Variants in C2CD3 observed in about 807,000 individuals in gnomAD.
C2CD3 encodes C2 domain-containing protein 3.
Under a neutral mutation model 234.0 loss-of-function variants are expected in C2CD3, and 148 were observed. The observed-to-expected ratio is 0.63, with a 90% CI of 0.55 to 0.72. C2CD3 has a LOEUF of 0.72. Among genes scored for constraint, C2CD3 ranks in the 30% least tolerant of loss-of-function variants. C2CD3 has a pLI of 0.00. For synonymous variants in C2CD3, 1,000 were observed against 1,035.4 expected, an observed-to-expected ratio of 0.97 and a Z score of 0.66; for missense variants, 2,577 against 2,811.5, an observed-to-expected ratio of 0.92 and a Z score of 1.89.
intron 5 of C2CD3, among the ~76,000 whole-genome samples, chr11:74,134,371 G>A (rs1369258933): frequency 6.6e-6 from 1 of 152,146 alleles, no homozygotes; most frequent in Non-Finnish European, 1.5e-5. Flanking sequence ...GGCAGCATGT[G>A]CCCATGGTCC....
rs145255101 is a variant in C2CD3 at position 74,069,884 on chromosome 11, T to C, written c.4951+4369A>G. ...TGACACCTCCTCTGTGTCACACCTG[T>C]ACAAGGTGAGTCAGATTTGATTCTT... is the stretch of plus-strand genomic sequence containing the variant. On this transcript the variant is annotated intron_variant, in intron 24 of 32. Transcript: ENST00000334126. 2.0e-5 allele frequency among the ~76,000 whole-genome samples: 3 copies of C among 152,232 alleles called. No homozygotes were observed. The East Asian group carries it at 5.8e-4, about 29-fold the overall frequency.
intron 32 of C2CD3, among the ~76,000 whole-genome samples, chr11:74,022,655 T>C (rs963968345): frequency 6.6e-6 from 1 of 152,198 alleles, no homozygotes; most frequent in Admixed American, 6.5e-5. Flanking sequence ...TGTATGGAAG[T>C]TGATAAAACT....
intron 17 of C2CD3, among the ~76,000 whole-genome samples, chr11:74,094,495 C>T (rs911157620): frequency 2.0e-5 from 3 of 152,062 alleles, no homozygotes; most frequent in South Asian, 2.1e-4. Context: ...GAACATACAC[C>T]GAATGGCAAA....
At chr11:74,036,486 T>C (rs1251625356) in intron 30 of C2CD3, 6 of 456,000 alleles carry the variant, frequency 1.3e-5, no homozygotes, top group Non-Finnish European at 2.6e-5. Context: ...GTTAGGTATC[T>C]GGAAGAAGAA....
At position 74,161,462 on chromosome 11, in the gene C2CD3, G is replaced by A. The variant is rs747766397; in HGVS notation, c.420C>T (p.Thr140=). 3.8e-6 allele frequency: 6 copies of A among 1,598,704 alleles called. No individual in the cohort carries two copies. In the Admixed American group the frequency reaches 1.0e-4, roughly 27 times the overall value. Reference sequence around the variant, plus strand: ...TGGTAAAAAATCCATTGATTTGATGGGTTGGAGAAAGTTGAGCTAGTCCAT... The same window carrying A: ...TGGTAAAAAATCCATTGATTTGATGAGTTGGAGAAAGTTGAGCTAGTCCAT... ...QINGLAQLSP[T]HQINGFFTIV... Residue 140 remains threonine, a synonymous_variant, in exon 3 of 33, where the codon ACC becomes ACT. Coordinates refer to ENST00000334126, the MANE Select transcript of C2CD3 (RefSeq NM_001286577.2).
intron 28 of C2CD3, 47 bp downstream of exon 28, chr11:74,048,158 T>C (rs1478249713): frequency 6.3e-7 from 1 of 1,593,960 alleles, no homozygotes; most frequent in Non-Finnish European, 8.6e-7. Context: ...GTTCACACAC[T>C]TCCATTTTTT....
chr11:74,084,574 T>C (rs549635874), intron 22 of C2CD3, among the ~76,000 whole-genome samples: 2 of 152,168 alleles, frequency 1.3e-5, no homozygotes, highest in East Asian at 3.9e-4. Context: ...CCATGCGTGG[T>C]CTGTGTTTAT....
At chr11:74,137,358 A>C (rs1434194206) in intron 5 of C2CD3, among the ~76,000 whole-genome samples, 1 of 152,028 alleles carries the variant, frequency 6.6e-6, no homozygotes, top group Non-Finnish European at 1.5e-5. Flanking sequence ...AGCGCCAGAC[A>C]TTTGGTAGTG....
At chr11:74,122,650 G>A (rs1261803353) in intron 8 of C2CD3, among the ~76,000 whole-genome samples, 1 of 152,184 alleles carries the variant, frequency 6.6e-6, no homozygotes, top group Non-Finnish European at 1.5e-5. Context: ...TACCAGTTAA[G>A]GATGGTTCTG....
At chr11:74,083,814 G>C (rs550151199) in intron 22 of C2CD3, among the ~76,000 whole-genome samples, 164 of 152,302 alleles carry the variant, frequency 1.1e-3, no homozygotes, top group Non-Finnish European at 2.8e-4. Context: ...AGAGGATGTG[G>C]AGAAATAGGA....
intron 2 of C2CD3, among the ~76,000 whole-genome samples, chr11:74,162,706 A>T (rs1856554675): frequency 6.6e-6 from 1 of 152,244 alleles, no homozygotes; most frequent in Admixed American, 6.5e-5. Context: ...AATATTTAGC[A>T]TAGCAAGTAT....
chr11:74,037,033 T>C (rs1952781995), intron 30 of C2CD3, among the ~76,000 whole-genome samples: 1 of 152,240 alleles, frequency 6.6e-6, no homozygotes, highest in Non-Finnish European at 1.5e-5. Context: ...TCTAGGGTGC[T>C]TGTTAAAAGT....
intron 26 of C2CD3, among the ~76,000 whole-genome samples, chr11:74,053,523 T>C (rs1953797311): frequency 1.3e-5 from 2 of 152,224 alleles, no homozygotes; most frequent in Admixed American, 1.3e-4. Flanking sequence ...TGCCTCTTAA[T>C]AAAACTGGGT....
rs138301937 is a variant in C2CD3, at chr11:74,089,046, A to C, written c.3641+1767T>G. Among the ~76,000 whole-genome samples, 644 of 152,320 alleles carry C rather than the reference A, an allele frequency of 4.2e-3. 3 individuals carry two copies. The highest frequency in any genetic ancestry group is 0.015 in the African/African-American group (620 of 41,574). Reference sequence around the variant, plus strand: ...ATATTTTGTATATGAGTATAGCAGTACATGAAGATGATTTATACATGAGTA... The same window carrying C: ...ATATTTTGTATATGAGTATAGCAGTCCATGAAGATGATTTATACATGAGTA... On this transcript the variant is annotated intron_variant, in intron 20 of 32. Transcript: ENST00000334126.
At chr11:74,121,831 G>A (rs1957229030) in intron 8 of C2CD3, among the ~76,000 whole-genome samples, 3 of 152,132 alleles carry the variant, frequency 2.0e-5, no homozygotes, top group Admixed American at 1.3e-4. Flanking sequence ...AGTGATGACT[G>A]TGAAGGTGGG....
rs1287993368 is a variant in C2CD3 at position 74,057,484 on chromosome 11, G to A, written c.5012C>T (p.Ala1671Val). 1.9e-6 allele frequency: 3 copies of A among 1,613,708 alleles called. No homozygotes were observed. The African/African-American group carries it at 4.0e-5, about 22-fold the overall frequency. Residue 1671 changes from alanine to valine, a missense_variant, in exon 25 of 33, where the codon GCC becomes GTC. Physicochemically the swap from Ala to Val is moderately conservative, Grantham distance 64. Coordinates refer to ENST00000334126, the MANE Select transcript of C2CD3 (RefSeq NM_001286577.2). Reference sequence around the variant, plus strand: ...GGTGTATACAGGAGATGACTCATCGGCTGTTGCAAAGGATACACAACAACT... The same window carrying A: ...GGTGTATACAGGAGATGACTCATCGACTGTTGCAAAGGATACACAACAACT... Reference protein sequence around the residue: ...IPSCCVSFATADESSPVYTQV... With the variant: ...IPSCCVSFATVDESSPVYTQV...
intron 9 of C2CD3, among the ~76,000 whole-genome samples, chr11:74,116,969 TATACACGTATATATACAC>T (rs1466326923): frequency 1.6e-5 from 2 of 121,906 alleles, no homozygotes; most frequent in African/African-American, 6.1e-5. Context: ...TATATACACA[TATACACGTATATATACAC>T]ATATACGTGT....
intron 3 of C2CD3, among the ~76,000 whole-genome samples, chr11:74,151,305 C>CTTTATTTATTTATTTATTTATTTATTTA (rs202206182): frequency 1.5e-5 from 2 of 133,412 alleles, no homozygotes; most frequent in African/African-American, 5.4e-5. Context: ...ATCCAACACT[C>CTTTATTTATTTATTTATTTATTTATTTA]TTTATTTATT....
At chr11:74,035,734 T>C (rs2135414937) in intron 30 of C2CD3, among the ~76,000 whole-genome samples, 1 of 152,044 alleles carries the variant, frequency 6.6e-6, no homozygotes, top group Admixed American at 6.5e-5. Flanking sequence ...ATGGTTTCCC[T>C]GATCTAATCA....
Sources: allele counts gnomAD v4.1 joint callset (sites outside exome capture counted in the v4.1 genomes callset), GRCh38; gene constraint gnomAD v4.1.1; transcripts MANE v1.5; gene names NCBI Gene and HGNC (gene_info 2026-07-23, HGNC 2026-07-21).